The following SMYD3 variants were observed in gnomAD, a reference collection of about 807,000 sequenced individuals.
SMYD3 encodes the protein SET and MYND domain containing 3, also known as histone-lysine N-methyltransferase SMYD3.
SMYD3 carries 36 observed loss-of-function variants against 57.7 expected under a neutral mutation model. The ratio of observed to expected loss-of-function variants is 0.62; its 90% confidence interval spans 0.48 to 0.82. SMYD3 has a LOEUF of 0.82. Among genes scored for constraint, SMYD3 ranks in the 40% least tolerant of loss-of-function variants. The pLI, the probability that SMYD3 is intolerant of heterozygous loss-of-function variation, is 0.00. For synonymous variants in SMYD3, 211 were observed against 195.0 expected, an observed-to-expected ratio of 1.08 and a Z score of -0.68; for missense variants, 515 against 538.8, an observed-to-expected ratio of 0.96 and a Z score of 0.44.
intron 5 of SMYD3, among the ~76,000 whole-genome samples, chr1:246,023,822 T>TGTGTGA: frequency 6.6e-6 from 1 of 151,704 alleles, no homozygotes; most frequent in East Asian, 1.9e-4. Context: ...TGTGTGTGTG[T>TGTGTGA]GTGTGTGTGT....
chr1:246,086,639 C>CAG (rs1008677302), intron 5 of SMYD3, among the ~76,000 whole-genome samples: 1 of 151,492 alleles, frequency 6.6e-6, no homozygotes. Flanking sequence ...AAAAAAGCCT[C>CAG]AGAGAGAGAG....
chr1:245,900,012 C>A (rs147598368), intron 8 of SMYD3, among the ~76,000 whole-genome samples: 1 of 152,188 alleles, frequency 6.6e-6, no homozygotes, highest in South Asian at 2.1e-4. Flanking sequence ...AGCTTGCCAA[C>A]TGCAGATCTT....
At chr1:245,977,437 G>T (rs573095164) in intron 5 of SMYD3, among the ~76,000 whole-genome samples, 1 of 152,272 alleles carries the variant, frequency 6.6e-6, no homozygotes, top group Non-Finnish European at 1.5e-5. Context: ...CCAGCACTTT[G>T]GGAGGCTGAG....
intron 10 of SMYD3, among the ~76,000 whole-genome samples, chr1:245,784,139 G>A (rs1301613792): frequency 6.6e-6 from 1 of 152,220 alleles, no homozygotes; most frequent in African/African-American, 2.4e-5. Context: ...TGTTTCTAGA[G>A]AAGTACACTA....
chr1:246,162,063 T>G (rs2062131161), intron 5 of SMYD3, among the ~76,000 whole-genome samples: 1 of 152,190 alleles, frequency 6.6e-6, no homozygotes, highest in African/African-American at 2.4e-5. Context: ...GACGTGTACC[T>G]GGCCGGCTAA....
intron 8 of SMYD3, among the ~76,000 whole-genome samples, chr1:245,879,375 C>T (rs1191433095): frequency 1.3e-5 from 2 of 152,194 alleles, no homozygotes; most frequent in Admixed American, 6.5e-5. Context: ...TGCACATGAG[C>T]TGTGCTGTTA....
intron 5 of SMYD3, among the ~76,000 whole-genome samples, chr1:246,220,729 C>G (rs1246703670): frequency 6.6e-6 from 1 of 152,178 alleles, no homozygotes; most frequent in East Asian, 1.9e-4. Context: ...GCTGCCAGTT[C>G]CGGGGCATGG....
chr1:246,290,030 C>T (rs10802380), intron 5 of SMYD3, among the ~76,000 whole-genome samples: 15,149 of 152,108 alleles, frequency 0.1, 1,455 homozygotes, highest in African/African-American at 0.24. Flanking sequence ...ATCTCCTTGG[C>T]GACCAAAAGT....
At chr1:245,791,732 T>A (rs1436029383) in intron 10 of SMYD3, among the ~76,000 whole-genome samples, 1 of 152,182 alleles carries the variant, frequency 6.6e-6, no homozygotes, top group Admixed American at 6.5e-5. Context: ...TCAGCTAGAT[T>A]GTGTCTGATA....
intron 1 of SMYD3, among the ~76,000 whole-genome samples, chr1:246,402,009 G>A (rs544369064): frequency 5.9e-5 from 9 of 152,318 alleles, no homozygotes; most frequent in African/African-American, 7.2e-5. Flanking sequence ...GGCGTGGGCC[G>A]CCGTGCCTGG....
intron 10 of SMYD3, among the ~76,000 whole-genome samples, chr1:245,816,862 C>T (rs7535239): frequency 3.3e-5 from 5 of 151,422 alleles, no homozygotes; most frequent in East Asian, 1.9e-4. Context: ...CGGCGCACCA[C>T]GAGATTATAT....
At chr1:246,498,602 G>A (rs540082755) in intron 1 of SMYD3, among the ~76,000 whole-genome samples, 24 of 151,908 alleles carry the variant, frequency 1.6e-4, no homozygotes, top group Admixed American at 5.9e-4. Context: ...GTGATGGCGG[G>A]TGCCTGTAGT....
At chr1:245,920,708 GAC>G (rs1218116277) in intron 7 of SMYD3, among the ~76,000 whole-genome samples, 5 of 152,138 alleles carry the variant, frequency 3.3e-5, no homozygotes, top group Non-Finnish European at 7.3e-5. Flanking sequence ...ATGAGCAAAG[GAC>G]ATCCTGTTCA....
Position 246,355,128 on chromosome 1 carries a change from A to G in SMYD3, c.165-34T>C. The G allele has an allele frequency of 6.3e-7, 1 of 1,597,966 alleles. No homozygotes were observed. Among genetic ancestry groups the G allele is most frequent in the Non-Finnish European group, 8.6e-7 (1 of 1,165,338 alleles). Reference sequence around the variant, plus strand: ...AAAAAAATTAATTCTGCATTAAGAAATGAGTGGGAAACATAGTACATAGTT... The same window carrying G: ...AAAAAAATTAATTCTGCATTAAGAAGTGAGTGGGAAACATAGTACATAGTT... On this transcript the variant is annotated intron_variant, in intron 1 of 11. Coordinates refer to ENST00000490107, the MANE Select transcript of SMYD3 (RefSeq NM_001167740.2). The surrounding 1 kb of genome is among the most constrained non-coding windows in gnomAD (Gnocchi z 5.0).
chr1:246,355,914 AC>A lies in SMYD3; in HGVS notation c.165-821del, dbSNP rs2065904268. ...TCTTGGGAGCTCTATGGCCCTGCCT[AC>A]CACCTAAGAAACCTGAATAGGTAAC... is the stretch of plus-strand genomic sequence containing the variant. On this transcript the variant is annotated intron_variant, in intron 1 of 11. Transcript: ENST00000490107. The surrounding 1 kb of genome is among the most constrained non-coding windows in gnomAD (Gnocchi z 5.0). Among the ~76,000 whole-genome samples the A allele has an allele frequency of 6.6e-6, 1 of 152,130 alleles. No individual in the cohort carries two copies. The highest frequency in any genetic ancestry group is 2.4e-5 in the African/African-American group (1 of 41,416).
intron 5 of SMYD3, among the ~76,000 whole-genome samples, chr1:246,119,388 A>G (rs929710326): frequency 6.6e-6 from 1 of 151,108 alleles, no homozygotes; most frequent in African/African-American, 2.4e-5. Flanking sequence ...AGCTGTAACT[A>G]AAACACTCAC....
Position 246,335,400 on chromosome 1 carries a change from G to A in SMYD3, c.303C>T (p.Ser101=), listed in dbSNP as rs573338328. ...KSCKPRYPPD[S]VRLLGRVVFK... The stretch of plus-strand genomic sequence containing the variant: ...AGACAACTCTGCCAAGAAGTCGAAC[G>A]GAGTCTGGAGGATATCTGGGTTTGC... Residue 101 remains serine, a synonymous_variant, in exon 3 of 12, where the codon TCC becomes TCT. Transcript: ENST00000490107. The A allele has an allele frequency of 2.5e-5, 41 of 1,614,086 alleles. No individual in the cohort carries two copies. The highest frequency in any genetic ancestry group is 5.3e-5 in the African/African-American group (4 of 75,022).
chr1:246,264,039 ATG>A (rs1487258707), intron 5 of SMYD3, among the ~76,000 whole-genome samples: 3 of 128,778 alleles, frequency 2.3e-5, no homozygotes, highest in Admixed American at 7.9e-5. Flanking sequence ...GCAGAAATAA[ATG>A]TTTTTTTTTT....
At chr1:246,218,964 A>G (rs1034435831) in intron 5 of SMYD3, among the ~76,000 whole-genome samples, 1 of 152,142 alleles carries the variant, frequency 6.6e-6, no homozygotes, top group African/African-American at 2.4e-5. Flanking sequence ...AGGGATGTAG[A>G]TCTCCATTTC....
Sources: allele counts gnomAD v4.1 joint callset (sites outside exome capture counted in the v4.1 genomes callset), GRCh38; gene constraint gnomAD v4.1.1; non-coding constraint Gnocchi (gnomAD v3.1); transcripts MANE v1.5; gene names NCBI Gene and HGNC (gene_info 2026-07-23, HGNC 2026-07-21).